C3orf52: variants seen among roughly 807,000 people sequenced by gnomAD.
The protein encoded by C3orf52 is TPA-induced transmembrane protein.
In C3orf52, 22 loss-of-function variants were observed where a neutral mutation model predicts 24.8. The ratio of observed to expected loss-of-function variants is 0.89; its 90% CI spans 0.63 to 1.27. C3orf52 has a LOEUF of 1.27. C3orf52 is among the 50% of genes most tolerant of loss of function. C3orf52 has a pLI of 0.00. For synonymous variants in C3orf52, 93 were observed against 100.2 expected, an observed-to-expected ratio of 0.93 and a Z score of 0.43; for missense variants, 265 against 260.7, an observed-to-expected ratio of 1.02 and a Z score of -0.11.
intron 2 of C3orf52, among the ~76,000 whole-genome samples, 191 bp downstream of exon 2, chr3:112,093,680 T>C (rs546718817): frequency 2.5e-4 from 38 of 152,230 alleles, no homozygotes; most frequent in Non-Finnish European, 4.4e-4. Flanking sequence ...GTTGTTGTTG[T>C]ATTTTGTTGT....
chr3:112,123,738 C>T (rs2074247551), intron 4 of C3orf52: 1 of 1,613,894 alleles, frequency 6.2e-7, no homozygotes, highest in African/African-American at 1.3e-5. Context: ...GAGGGTATAG[C>T]ACAGCTCCTC....
intron 1 of C3orf52, among the ~76,000 whole-genome samples, chr3:112,092,045 AGGCCAGGT>A (rs2073882864): frequency 2.7e-5 from 4 of 149,894 alleles, no homozygotes; most frequent in Non-Finnish European, 5.9e-5. Flanking sequence ...GAGAGAAAGC[AGGCCAGGT>A]GGCCAGGTGT....
At chr3:112,113,954 A>G (rs968895476) in intron 5 of C3orf52, among the ~76,000 whole-genome samples, 1 of 152,240 alleles carries the variant, frequency 6.6e-6, no homozygotes, top group East Asian at 1.9e-4. Flanking sequence ...CCCTAATGCC[A>G]ACAATCTTGA....
intron 4 of C3orf52, among the ~76,000 whole-genome samples, chr3:112,124,907 G>A (rs2074278860): frequency 6.6e-6 from 1 of 152,178 alleles, no homozygotes; most frequent in Non-Finnish European, 1.5e-5. Flanking sequence ...TCGGGGGATG[G>A]GATGGATTAT....
chr3:112,128,754 A>G (rs1313710022), downstream of C3orf52: 1 of 160,296 alleles, frequency 6.2e-6, no homozygotes, highest in Non-Finnish European at 1.4e-5. Flanking sequence ...TCTCTCTTAT[A>G]GCACAAAGGC....
chr3:112,123,745 C>T, intron 4 of C3orf52: 6 of 1,613,890 alleles, frequency 3.7e-6, no homozygotes, highest in Non-Finnish European at 5.1e-6. Context: ...TAGCACAGCT[C>T]CTCTGAGTAG....
At chr3:112,112,894 T>C in intron 4 of C3orf52, 70 bp from the exon 5 acceptor site, 1 of 1,282,682 alleles carries the variant, frequency 7.8e-7, no homozygotes, top group Non-Finnish European at 1.1e-6. Flanking sequence ...AAAAAAGTTA[T>C]TGCTTAAATT....
At chr3:112,118,850 T>C (rs1384985545), downstream of C3orf52, among the ~76,000 whole-genome samples, 1 of 152,254 alleles carries the variant, frequency 6.6e-6, no homozygotes, top group East Asian at 1.9e-4. Flanking sequence ...GCAACAGCCA[T>C]ATCAGCAGAA....
At chr3:112,119,132 C>T (rs1486673753), downstream of C3orf52, among the ~76,000 whole-genome samples, 1 of 152,072 alleles carries the variant, frequency 6.6e-6, no homozygotes, top group African/African-American at 2.4e-5. Context: ...CCTGTAATCC[C>T]AGCACTTTGG....
intron 4 of C3orf52, chr3:112,111,309 GA>G (rs1383446679): frequency 6.6e-6 from 1 of 152,286 alleles, no homozygotes; most frequent in Admixed American, 6.5e-5. Flanking sequence ...AATTGAGGAA[GA>G]AAAGCCATTG....
At chr3:112,100,921 C>A (rs2073966932) in intron 2 of C3orf52, among the ~76,000 whole-genome samples, 1 of 152,066 alleles carries the variant, frequency 6.6e-6, no homozygotes, top group Non-Finnish European at 1.5e-5. Flanking sequence ...TATAAATTAC[C>A]TATTTGTTAG....
At chr3:112,100,515 A>T (rs2073963157) in intron 2 of C3orf52, among the ~76,000 whole-genome samples, 1 of 152,182 alleles carries the variant, frequency 6.6e-6, no homozygotes, top group African/African-American at 2.4e-5. Context: ...GATTTGAATG[A>T]TACACATTAA....
downstream of C3orf52, chr3:112,129,663 C>T (rs2074406351): frequency 6.6e-6 from 1 of 152,150 alleles, no homozygotes; most frequent in African/African-American, 2.4e-5. Flanking sequence ...CCCAATGATA[C>T]CCCTGAAAAT....
intron 2 of C3orf52, among the ~76,000 whole-genome samples, chr3:112,101,413 GT>G (rs1320177231): frequency 3.3e-5 from 5 of 152,148 alleles, no homozygotes; most frequent in Non-Finnish European, 7.4e-5. Context: ...AGTACCCGGG[GT>G]TTTCACTGGG....
chr3:112,116,574 G>A, intron 5 of C3orf52, 68 bp from the exon 6 acceptor site: 1 of 1,326,412 alleles, frequency 7.5e-7, no homozygotes, highest in Admixed American at 2.8e-5. Context: ...GAAATGAAAT[G>A]AAAACGTAAG....
At chr3:112,135,359 A>G (rs1179122880), downstream of C3orf52, 1 of 152,514 alleles carries the variant, frequency 6.6e-6, no homozygotes, top group Non-Finnish European at 1.5e-5. Context: ...AGTGCAAAAT[A>G]TTTTATTGCT....
chr3:112,120,533 T>G (rs1297869874), downstream of C3orf52, among the ~76,000 whole-genome samples: 2 of 152,240 alleles, frequency 1.3e-5, no homozygotes, highest in African/African-American at 4.8e-5. Flanking sequence ...AACCACAAAG[T>G]CTGCAGTTGT....
chr3:112,125,234 G>C, intron 4 of C3orf52: 3 of 1,576,448 alleles, frequency 1.9e-6, no homozygotes, highest in Non-Finnish European at 2.6e-6. Flanking sequence ...ACCTGGATGG[G>C]AGTAGATGAC....
intron 1 of C3orf52, 130 bp downstream of exon 1, chr3:112,086,675 G>C (rs45497696): frequency 5.6e-4 from 660 of 1,172,318 alleles, no homozygotes; most frequent in Non-Finnish European, 7.7e-4. Context: ...GGTGGGGCGC[G>C]CTCGAGTGCT....
Sources: allele counts gnomAD v4.1 joint callset (sites outside exome capture counted in the v4.1 genomes callset), GRCh38; gene constraint gnomAD v4.1.1; transcripts MANE v1.5; gene names NCBI Gene and HGNC (gene_info 2026-07-23, HGNC 2026-07-21).